NKX6-1: variants seen among roughly 807,000 people sequenced by gnomAD.
NKX6-1 encodes the protein homeobox protein Nkx-6.1.
Under a neutral mutation model 24.9 loss-of-function variants are expected in NKX6-1, and 11 were observed. The ratio of observed to expected loss-of-function variants is 0.44; its 90% CI spans 0.28 to 0.73. The LOEUF is 0.73. Ranked by LOEUF, NKX6-1 falls within the 30% of genes least tolerant of loss-of-function variation. NKX6-1 has a pLI of 0.15. For missense variants in NKX6-1, 487 were observed against 502.9 expected, an observed-to-expected ratio of 0.97 and a Z score of 0.30; for synonymous variants, 277 against 242.9, an observed-to-expected ratio of 1.14 and a Z score of -1.31.
At position 84,495,726 on chromosome 4, in the gene NKX6-1, C is replaced by G. The variant is rs1720805708; in HGVS notation, c.789G>C (p.Gly263=). 5 of 1,613,216 alleles carry G rather than the reference C, an allele frequency of 3.1e-6. No individual in the cohort carries two copies. Among genetic ancestry groups the G allele is most frequent in the Non-Finnish European group, 4.2e-6 (5 of 1,180,050 alleles). The change falls in exon 2 of 3, where the codon GGG becomes GGC. Residue 263 remains glycine (G), a synonymous_variant. Transcript: ENST00000295886. ...KTFEQTKYLA[G]PERARLAYSL... ...AATAGGCCAAACGAGCCCTCTCGGG[C>G]CCCGCCAAGTATTTTGTTTGTTCGA...
In NKX6-1 at chr4:84,497,657, G is replaced by T; in HGVS notation, c.572C>A (p.Pro191His). 2 of 1,280,512 alleles carry T rather than the reference G, an allele frequency of 1.6e-6. No individual in the cohort carries two copies. Among genetic ancestry groups the T allele is most frequent in the Non-Finnish European group, 2.0e-6 (2 of 1,009,526 alleles). 79.3% of individuals were successfully genotyped at this position (1,280,512 alleles called of 1,614,324 possible). Residue 191 changes from proline to histidine, a missense_variant, in exon 1 of 3, where the codon CCC becomes CAC. Pro to His is a moderately conservative substitution (Grantham distance 77). Transcript: ENST00000295886. The surrounding 1 kb of genome is among the most constrained non-coding windows in gnomAD (Gnocchi z 4.8). Reference sequence around the variant, plus strand: ...GCCAGGCAGCTCAGCCAGCGGCTTGGGGTACCGGCCCACGGCGGCCACGGC... The same window carrying T: ...GCCAGGCAGCTCAGCCAGCGGCTTGTGGTACCGGCCCACGGCGGCCACGGC... ...AAAVAAVGRY[P>H]KPLAELPGRT...
At chr4:84,496,521 G>A (rs1246971316) in intron 1 of NKX6-1, 1 of 152,270 alleles carries the variant, frequency 6.6e-6, no homozygotes, top group Admixed American at 6.5e-5. Flanking sequence ...ACTTCCCGCA[G>A]TTACTGCCGC....
rs558706971 is a variant in NKX6-1, at chr4:84,493,214, T to C, written c.*75A>G. The C allele has an allele frequency of 3.0e-5, 40 of 1,331,224 alleles. No individual in the cohort carries two copies. In the South Asian group the frequency reaches 6.6e-4, roughly 22 times the overall value. The allele number at this position is 1,331,224 out of a possible 1,614,324, so 82.5% of individuals were successfully genotyped here. A position where few individuals can be genotyped will look rare whatever the true frequency, so the allele number is the denominator to read the frequency against. On this transcript the variant is annotated 3_prime_UTR_variant, in exon 3 of 3. Coordinates refer to ENST00000295886, the MANE Select transcript of NKX6-1 (RefSeq NM_006168.3). This position sits in a 1 kb window ranked among gnomAD's most constrained non-coding sequence, Gnocchi z 5.1. Reference sequence around the variant, plus strand: ...CCCCGAGGAGCGGGCAGGCGCGGCGTGCACGCGGTCCCCGCGCCCCTCGCG... The same window carrying C: ...CCCCGAGGAGCGGGCAGGCGCGGCGCGCACGCGGTCCCCGCGCCCCTCGCG...
rs1420407505 is a variant in NKX6-1, at chr4:84,497,542, C to T, written c.670+17G>A. On this transcript the variant is annotated intron_variant, in intron 1 of 2. Coordinates refer to ENST00000295886, the MANE Select transcript of NKX6-1 (RefSeq NM_006168.3). The surrounding 1 kb of genome is among the most constrained non-coding windows in gnomAD (Gnocchi z 4.8). The stretch of plus-strand genomic sequence containing the variant: ...GGCACGGCAGGCAGGCATCGGGGCG[C>T]GGGTGGTAGTACTCACGAGGGGTAC... 4.0e-6 allele frequency: 5 copies of T among 1,254,030 alleles called. No individual in the cohort carries two copies. Among genetic ancestry groups the T allele is most frequent in the Non-Finnish European group, 4.0e-6 (4 of 991,734 alleles). 77.7% of individuals were successfully genotyped at this position (1,254,030 alleles called of 1,614,324 possible). A position where few individuals can be genotyped will look rare whatever the true frequency, so the allele number is the denominator to read the frequency against.
In NKX6-1 at chr4:84,497,500, C is replaced by G. The variant is rs1243173747; in HGVS notation, c.670+59G>C. On this transcript the variant is annotated intron_variant, in intron 1 of 2. Coordinates refer to ENST00000295886, the MANE Select transcript of NKX6-1 (RefSeq NM_006168.3). The surrounding 1 kb of genome is among the most constrained non-coding windows in gnomAD (Gnocchi z 4.8). ...GGCATGCACACCAGGGGCCGCGACC[C>G]GGGAGTGGGCAGAACAGGCACGGCA... The G allele has an allele frequency of 1.6e-6, 2 of 1,249,656 alleles. No individual in the cohort carries two copies. Among genetic ancestry groups the G allele is most frequent in the Non-Finnish European group, 2.0e-6 (2 of 988,956 alleles). 77.4% of individuals were successfully genotyped at this position (1,249,656 alleles called of 1,614,324 possible). A position where few individuals can be genotyped will look rare whatever the true frequency, so the allele number is the denominator to read the frequency against.
chr4:84,494,665 C>T (rs1285023125), intron 2 of NKX6-1, among the ~76,000 whole-genome samples: 1 of 152,194 alleles, frequency 6.6e-6, no homozygotes, highest in Non-Finnish European at 1.5e-5. Context: ...ATAATTTTAA[C>T]TGTGATGGTA....
Position 84,493,437 on chromosome 4 carries a change from T to C in NKX6-1, c.956A>G (p.Asn319Ser). The change falls in exon 3 of 3, where the codon AAC becomes AGC. Residue 319 changes from asparagine to serine, a missense_variant. Asn to Ser is a conservative substitution (Grantham distance 46). Around this residue, in one of 3 missense-constraint regions of NKX6-1, gnomAD observed 126 missense variants for 105.5 expected, o/e 1.19. Coordinates refer to ENST00000295886, the MANE Select transcript of NKX6-1 (RefSeq NM_006168.3). This position sits in a 1 kb window ranked among gnomAD's most constrained non-coding sequence, Gnocchi z 5.1. ...ATTGTAGTCGTCGTCCTCTTCCTCG[T>C]TCTCCGAGGCCCCCTTGAGGCGCTC... ...ETERLKGASE[N>S]EEEDDDYNKP... The C allele has an allele frequency of 1.2e-6, 2 of 1,614,244 alleles. No homozygotes were observed. The highest frequency in any genetic ancestry group is 1.7e-6 in the Non-Finnish European group (2 of 1,180,046).
Position 84,495,914 on chromosome 4 carries a change from A to C in NKX6-1, c.671-70T>G, listed in dbSNP as rs1245892543. Reference sequence around the variant, plus strand: ...TTACAAGCGGCTGCACTAGGGGGAAAAAACGAACTCGAAAAACAATGTTTT... The same window carrying C: ...TTACAAGCGGCTGCACTAGGGGGAACAAACGAACTCGAAAAACAATGTTTT... On this transcript the variant is annotated intron_variant, in intron 1 of 2. Coordinates refer to ENST00000295886, the MANE Select transcript of NKX6-1 (RefSeq NM_006168.3). The C allele has an allele frequency of 7.5e-6, 11 of 1,470,992 alleles. No individual in the cohort carries two copies. In the Admixed American group the frequency reaches 1.8e-4, roughly 24 times the overall value. 91.1% of individuals were successfully genotyped at this position (1,470,992 alleles called of 1,614,324 possible).
intron 2 of NKX6-1, among the ~76,000 whole-genome samples, chr4:84,494,021 T>TG (rs900777630): frequency 3.9e-5 from 6 of 152,254 alleles, no homozygotes; most frequent in African/African-American, 1.4e-4. Flanking sequence ...GTATAGATTG[T>TG]GGGGGGAAAG....
chr4:84,497,991 G>A lies in NKX6-1; in HGVS notation c.238C>T (p.Leu80Phe). ...TGCGGGGGGCTGCCGAGGGATGAGA[G>A]CCCCCCCGTGGCCGGGGGCTTCAGG... ...GGLKPPATGG[L>F]SSLGSPPQQL... The change falls in exon 1 of 3, where the codon CTC (leucine) becomes TTC (phenylalanine). Residue 80 changes from leucine to phenylalanine, a missense_variant. By Grantham distance (22) the Leu-to-Phe change is conservative (BLOSUM62 0). Around this residue, in one of 3 missense-constraint regions of NKX6-1, gnomAD observed 316 missense variants for 311.4 expected, o/e 1.01. Coordinates refer to ENST00000295886, the MANE Select transcript of NKX6-1 (RefSeq NM_006168.3). This position sits in a 1 kb window ranked among gnomAD's most constrained non-coding sequence, Gnocchi z 4.8. The A allele has an allele frequency of 7.8e-7, 1 of 1,287,404 alleles. No homozygotes were observed. Among genetic ancestry groups the A allele is most frequent in the Non-Finnish European group, 9.8e-7 (1 of 1,015,642 alleles). 79.7% of individuals were successfully genotyped at this position (1,287,404 alleles called of 1,614,324 possible).
In NKX6-1 at chr4:84,497,497, A is replaced by T; in HGVS notation, c.670+62T>A. On this transcript the variant is annotated intron_variant, in intron 1 of 2. Coordinates refer to ENST00000295886, the MANE Select transcript of NKX6-1 (RefSeq NM_006168.3). The surrounding 1 kb of genome is among the most constrained non-coding windows in gnomAD (Gnocchi z 4.8). Reference sequence around the variant, plus strand: ...AGCGGCATGCACACCAGGGGCCGCGACCCGGGAGTGGGCAGAACAGGCACG... The same window carrying T: ...AGCGGCATGCACACCAGGGGCCGCGTCCCGGGAGTGGGCAGAACAGGCACG... 8.0e-7 allele frequency: 1 copy of T among 1,249,484 alleles called. No homozygotes were observed. The highest frequency in any genetic ancestry group is 1.0e-6 in the Non-Finnish European group (1 of 988,884). 77.4% of individuals were successfully genotyped at this position (1,249,484 alleles called of 1,614,324 possible).
At position 84,497,755 on chromosome 4, in the gene NKX6-1, G is replaced by T. The variant is rs1385647324; in HGVS notation, c.474C>A (p.Ala158=). ...AAASSPAGLL[A]GLPRFSSLSP... ...TCAGGCTGCTAAAGCGTGGCAGTCC[G>T]GCCAGCAGCCCCGCCGGGGATGAGG... Residue 158 remains alanine (A), a synonymous_variant, in exon 1 of 3, where the codon GCC becomes GCA. Transcript: ENST00000295886. The surrounding 1 kb of genome is among the most constrained non-coding windows in gnomAD (Gnocchi z 4.8). 7.8e-6 allele frequency: 10 copies of T among 1,277,282 alleles called. No homozygotes were observed. The highest frequency in any genetic ancestry group is 8.9e-6 in the Non-Finnish European group (9 of 1,014,374). 79.1% of individuals were successfully genotyped at this position (1,277,282 alleles called of 1,614,324 possible). A position where few individuals can be genotyped will look rare whatever the true frequency, so the allele number is the denominator to read the frequency against.
chr4:84,495,966 C>T (rs1720810920), intron 1 of NKX6-1, 122 bp from the exon 2 acceptor site: 8 of 981,500 alleles, frequency 8.2e-6, no homozygotes, highest in South Asian at 1.6e-5. Flanking sequence ...CAGTCTGTGG[C>T]GGACACCAGA....
chr4:84,493,558 G>A lies in NKX6-1; in HGVS notation c.844-9C>T. Reference sequence around the variant, plus strand: ...CGGTTCTGGAACCAGACCTGAGGGCGGAGAAAAGGGAGGAGAGGGGAGGCA... The same window carrying A: ...CGGTTCTGGAACCAGACCTGAGGGCAGAGAAAAGGGAGGAGAGGGGAGGCA... On this transcript the variant is annotated splice_polypyrimidine_tract_variant and intron_variant, in intron 2 of 2. Coordinates refer to ENST00000295886, the MANE Select transcript of NKX6-1 (RefSeq NM_006168.3). This position sits in a 1 kb window ranked among gnomAD's most constrained non-coding sequence, Gnocchi z 5.1. The A allele has an allele frequency of 8.1e-6, 13 of 1,613,622 alleles. No individual in the cohort carries two copies. Among genetic ancestry groups the A allele is most frequent in the Non-Finnish European group, 1.1e-5 (13 of 1,179,660 alleles).
Position 84,495,647 on chromosome 4 carries a change from C to G in NKX6-1, c.843+25G>C, listed in dbSNP as rs371657139. 3.7e-6 allele frequency: 6 copies of G among 1,605,244 alleles called. No individual in the cohort carries two copies. In the African/African-American group the frequency reaches 8.0e-5, roughly 21 times the overall value. ...CGCGCGACAGGGGCGGTACCTATCC[C>G]TCCAGGTATGCAAGGTCCACTCACC... On this transcript the variant is annotated intron_variant, in intron 2 of 2. Transcript: ENST00000295886.
Position 84,491,997 on chromosome 4 carries a change from T to C in NKX6-1, c.*1292A>G, listed in dbSNP as rs1002449811. On this transcript the variant is annotated 3_prime_UTR_variant, in exon 3 of 3. Transcript: ENST00000295886. ...AAGGCAACAGACGTCTTCAAACTGT[T>C]TTTTTTAATTTGATTTATCCTTTGA... 1 of 152,216 alleles carries C rather than the reference T, an allele frequency of 6.6e-6. No homozygotes were observed. Among genetic ancestry groups the C allele is most frequent in the Non-Finnish European group, 1.5e-5 (1 of 68,036 alleles). 9.4% of individuals were successfully genotyped at this position (152,216 alleles called of 1,614,324 possible). A position where few individuals can be genotyped will look rare whatever the true frequency, so the allele number is the denominator to read the frequency against.
intron 2 of NKX6-1, among the ~76,000 whole-genome samples, chr4:84,494,174 C>CAAAAAAAA (rs34303850): frequency 1.9e-5 from 2 of 107,568 alleles, no homozygotes; most frequent in African/African-American, 3.1e-5. Flanking sequence ...TGGTGCACTT[C>CAAAAAAAA]AAAAAAAAAA....
intron 2 of NKX6-1, 28 bp downstream of exon 2, chr4:84,495,644 T>G (rs2278671): frequency 0.32 from 517,528 of 1,600,408 alleles, 85,220 homozygotes; most frequent in Admixed American, 0.42. Context: ...GCGGTACCTA[T>G]CCCTCCAGGT....
chr4:84,493,258 G>A lies in NKX6-1; in HGVS notation c.*31C>T. On this transcript the variant is annotated 3_prime_UTR_variant, in exon 3 of 3. Transcript: ENST00000295886. The surrounding 1 kb of genome is among the most constrained non-coding windows in gnomAD (Gnocchi z 5.1). ...CCTCGCGGCCCCAGAGGTGGAGGCC[G>A]GAGCCGGGAAGGTGCGGCGGGCGGC... 1.3e-6 allele frequency: 2 copies of A among 1,537,580 alleles called. No individual in the cohort carries two copies. Among genetic ancestry groups the A allele is most frequent in the Admixed American group, 2.2e-5 (1 of 45,546 alleles).
Sources: gnomAD v4.1 joint callset for allele counts (sites outside exome capture counted in the v4.1 genomes callset) on GRCh38, gnomAD v4.1.1 for gene constraint, gnomAD v4.1.1 regional missense constraint, Gnocchi (gnomAD v3.1) non-coding constraint, MANE v1.5 for transcripts, NCBI Gene and HGNC (gene_info 2026-07-23, HGNC 2026-07-21) for gene names.